PVALB: variants seen among roughly 807,000 people sequenced by gnomAD.
PVALB encodes the protein parvalbumin, also known as parvalbumin alpha.
In PVALB, 11 loss-of-function variants were observed where a neutral mutation model predicts 10.9. The observed-to-expected ratio is 1.01, with a 90% CI of 0.63 to 1.67. The LOEUF is 1.67. Ranked by LOEUF, PVALB falls within the 40% of genes most tolerant of loss-of-function variation. The pLI, the probability that PVALB is intolerant of heterozygous loss-of-function variation, is 0.00. For synonymous variants in PVALB, 57 were observed against 50.7 expected, an observed-to-expected ratio of 1.12 and a Z score of -0.53; for missense variants, 131 against 136.2, an observed-to-expected ratio of 0.96 and a Z score of 0.19.
intron 2 of PVALB, 45 bp downstream of exon 2, chr22:36,815,058 C>A: frequency 6.2e-7 from 1 of 1,610,406 alleles, no homozygotes; most frequent in South Asian, 1.1e-5. Context: ...CCCACTCCCT[C>A]TCGTGCAGCC....
In PVALB at chr22:36,802,462, G is replaced by A. The variant is rs1029449818; in HGVS notation, c.305-1544C>T. Among the ~76,000 whole-genome samples the A allele has an allele frequency of 8.6e-5, 13 of 152,006 alleles. No individual in the cohort carries two copies. In the South Asian group the frequency reaches 2.5e-3, roughly 29 times the overall value. On this transcript the variant is annotated intron_variant, in intron 3 of 3. Coordinates refer to ENST00000417718, the MANE Select transcript of PVALB (RefSeq NM_001315532.2). Reference sequence around the variant, plus strand: ...CTAAAAATACAAAAATTAGCTGGACGTGGTGGCGCACACCTGTAGTCCCAG... The same window carrying A: ...CTAAAAATACAAAAATTAGCTGGACATGGTGGCGCACACCTGTAGTCCCAG...
At chr22:36,815,456 A>C in intron 1 of PVALB, 2 of 579,076 alleles carry the variant, frequency 3.5e-6, no homozygotes, top group Non-Finnish European at 3.0e-6. Context: ...TCAAACCCAG[A>C]CCTCCCTGGC....
rs545712478 is a variant in PVALB, at chr22:36,806,888, G to A, written c.305-5970C>T. 1.1e-3 allele frequency among the ~76,000 whole-genome samples: 166 copies of A among 152,202 alleles called. 1 individual carries two copies. The highest frequency in any genetic ancestry group is 1.2e-3 in the African/African-American group (48 of 41,524). On this transcript the variant is annotated intron_variant, in intron 3 of 3. Coordinates refer to ENST00000417718, the MANE Select transcript of PVALB (RefSeq NM_001315532.2). ...ACAGGCGTGGCTGGGGCCAGGGTGCGTCTCTTCCTCAAAGGTTGGAGTTAA... is the reference window on the plus strand; with the variant it reads ...ACAGGCGTGGCTGGGGCCAGGGTGCATCTCTTCCTCAAAGGTTGGAGTTAA...
chr22:36,808,329 G>A (rs1282360816), intron 3 of PVALB, among the ~76,000 whole-genome samples: 4 of 152,166 alleles, frequency 2.6e-5, no homozygotes, highest in Non-Finnish European at 1.5e-5. Flanking sequence ...GATTCCTGTT[G>A]GTCAACACAC....
intron 3 of PVALB, chr22:36,813,313 G>A: frequency 4.1e-6 from 1 of 243,726 alleles, no homozygotes; most frequent in Non-Finnish European, 8.0e-6. Context: ...AGGTCACACA[G>A]CCAGTTTGGG....
chr22:36,805,174 G>A (rs560773586), intron 3 of PVALB, among the ~76,000 whole-genome samples: 5 of 152,228 alleles, frequency 3.3e-5, no homozygotes, highest in Admixed American at 6.5e-5. Context: ...GCTGTCACAC[G>A]GTGTTTGGAG....
chr22:36,805,077 C>G (rs747387599), intron 3 of PVALB, among the ~76,000 whole-genome samples: 12 of 152,232 alleles, frequency 7.9e-5, no homozygotes, highest in Non-Finnish European at 1.3e-4. Flanking sequence ...GCTTTGCCAT[C>G]TGCTGCTGTC....
chr22:36,801,310 A>T (rs546716009), intron 3 of PVALB, among the ~76,000 whole-genome samples: 6 of 152,186 alleles, frequency 3.9e-5, no homozygotes, highest in Non-Finnish European at 8.8e-5. Flanking sequence ...GCATTTTGGC[A>T]TTGTTCCTGT....
chr22:36,801,971 G>T (rs1314839349), intron 3 of PVALB, among the ~76,000 whole-genome samples: 1 of 152,142 alleles, frequency 6.6e-6, no homozygotes, highest in African/African-American at 2.4e-5. Flanking sequence ...GAAGAGAGGG[G>T]CCAGTAATAA....
chr22:36,817,304 C>T (rs531790090), upstream of PVALB: 69 of 266,240 alleles, frequency 2.6e-4, no homozygotes, highest in African/African-American at 1.5e-3. Context: ...GAAGGGGCCA[C>T]CTCTGGGATT....
Position 36,813,593 on chromosome 22 carries a change from T to C in PVALB, c.304+53A>G. 4.1e-6 allele frequency: 6 copies of C among 1,463,972 alleles called. No individual in the cohort carries two copies. The South Asian group carries it at 5.7e-5, about 14-fold the overall frequency. The allele number at this position is 1,463,972 out of a possible 1,614,324, so 90.7% of individuals were successfully genotyped here. A position where few individuals can be genotyped will look rare whatever the true frequency, so the allele number is the denominator to read the frequency against. On this transcript the variant is annotated intron_variant, in intron 3 of 3. Coordinates refer to ENST00000417718, the MANE Select transcript of PVALB (RefSeq NM_001315532.2). Reference sequence around the variant, plus strand: ...CAGACATAGCTTCAAACTTTTCGCATCCAACACCCCAAGATCCACAATATG... The same window carrying C: ...CAGACATAGCTTCAAACTTTTCGCACCCAACACCCCAAGATCCACAATATG...
chr22:36,813,548 A>G (rs2145952814), intron 3 of PVALB, 98 bp downstream of exon 3: 1 of 981,098 alleles, frequency 1.0e-6, no homozygotes, highest in Non-Finnish European at 1.6e-6. Context: ...AGGGACCCCC[A>G]TATCATCCCT....
At chr22:36,802,979 G>A (rs1455011937) in intron 3 of PVALB, among the ~76,000 whole-genome samples, 1 of 152,192 alleles carries the variant, frequency 6.6e-6, no homozygotes, top group African/African-American at 2.4e-5. Context: ...CCAGGACCTC[G>A]GTGGGGCAGG....
intron 1 of PVALB, among the ~76,000 whole-genome samples, chr22:36,816,148 C>T (rs1379283450): frequency 6.6e-6 from 1 of 152,134 alleles, no homozygotes; most frequent in Non-Finnish European, 1.5e-5. Context: ...GCCCTGTCCA[C>T]CTCCGACACT....
intron 3 of PVALB, among the ~76,000 whole-genome samples, chr22:36,807,864 C>T (rs1365030939): frequency 1.3e-5 from 2 of 152,158 alleles, no homozygotes; most frequent in Non-Finnish European, 2.9e-5. Context: ...CAGATTTTGC[C>T]AGAGGGAAGC....
intron 3 of PVALB, among the ~76,000 whole-genome samples, chr22:36,810,998 G>A (rs960725281): frequency 2.0e-5 from 3 of 152,206 alleles, no homozygotes; most frequent in Admixed American, 6.5e-5. Context: ...TTGCATGGCC[G>A]GGTGCAGTGG....
At chr22:36,808,861 C>T (rs1939003784) in intron 3 of PVALB, among the ~76,000 whole-genome samples, 1 of 152,210 alleles carries the variant, frequency 6.6e-6, no homozygotes. Flanking sequence ...TTTCTAGCTT[C>T]TCTTTCCTTT....
chr22:36,813,584 C>T, intron 3 of PVALB, 62 bp downstream of exon 3: 2 of 1,393,772 alleles, frequency 1.4e-6, no homozygotes, highest in East Asian at 2.3e-5. Context: ...TAGCTTCAAA[C>T]TTTTCGCATC....
intron 3 of PVALB, 46 bp downstream of exon 3, chr22:36,813,600 C>A: frequency 6.7e-7 from 1 of 1,500,276 alleles, no homozygotes; most frequent in Non-Finnish European, 9.3e-7. Flanking sequence ...GCATCCAACA[C>A]CCCAAGATCC....
Sources: gnomAD v4.1 joint callset for allele counts (sites outside exome capture counted in the v4.1 genomes callset) on GRCh38, gnomAD v4.1.1 for gene constraint, MANE v1.5 for transcripts, NCBI Gene and HGNC (gene_info 2026-07-23, HGNC 2026-07-21) for gene names.